Variants in DENND1A observed in about 807,000 individuals in gnomAD.
DENND1A encodes the protein DENN domain-containing protein 1A.
In DENND1A, 51 loss-of-function variants were observed where a neutral mutation model predicts 113.7. The observed-to-expected ratio is 0.45, with a 90% confidence interval of 0.36 to 0.57. The LOEUF (loss-of-function observed/expected upper bound fraction) is 0.57, where lower values mean the gene tolerates loss of function less well. Among genes scored for constraint, DENND1A ranks in the 20% least tolerant of loss-of-function variants. The probability of loss-of-function intolerance (pLI) is 0.00; values close to 1 mark genes in which losing one functional copy is unlikely to be tolerated. For synonymous variants in DENND1A, 565 were observed against 570.8 expected, an observed-to-expected ratio of 0.99 and a Z score of 0.14; for missense variants, 1,258 against 1,395.9, an observed-to-expected ratio of 0.90 and a Z score of 1.57.
chr9:123,608,184 G>A (rs1239408008), intron 11 of DENND1A, among the ~76,000 whole-genome samples: 1 of 152,096 alleles, frequency 6.6e-6, no homozygotes, highest in South Asian at 2.1e-4. Context: ...CCACATGGCC[G>A]GCCTGTCAAA....
At chr9:123,440,286 G>C in intron 19 of DENND1A, 74 bp downstream of exon 19, 2 of 1,481,424 alleles carry the variant, frequency 1.4e-6, no homozygotes, top group Non-Finnish European at 1.8e-6. Flanking sequence ...ACCGTCTGCT[G>C]CATGTGCTAC....
At chr9:123,406,194 G>A (rs888710032) in intron 20 of DENND1A, among the ~76,000 whole-genome samples, 4 of 152,350 alleles carry the variant, frequency 2.6e-5, no homozygotes, top group African/African-American at 7.2e-5. Context: ...GTCTGCGCAC[G>A]TCTGATCTAA....
chr9:123,641,436 CAAAAAAAAAA>C (rs34664320), intron 9 of DENND1A, among the ~76,000 whole-genome samples: 1 of 113,450 alleles, frequency 8.8e-6, no homozygotes, highest in Non-Finnish European at 1.9e-5. Context: ...AATGAAATGG[CAAAAAAAAAA>C]AAAAAAAAAG....
chr9:123,911,753 C>T (rs1017582720), intron 1 of DENND1A, among the ~76,000 whole-genome samples: 5 of 150,768 alleles, frequency 3.3e-5, no homozygotes, highest in Admixed American at 6.6e-5. Context: ...TGCAGTGGTG[C>T]GATCTTGGCT....
intron 2 of DENND1A, among the ~76,000 whole-genome samples, chr9:123,839,596 G>A (rs993136591): frequency 2.0e-5 from 3 of 152,200 alleles, no homozygotes; most frequent in East Asian, 1.9e-4. Context: ...GACACAACAC[G>A]ACACTTTATT....
Position 123,915,536 on chromosome 9 carries a change from TTTAAG to T in DENND1A, c.17+14348_17+14352del, listed in dbSNP as rs1345810122. 2.2e-4 allele frequency among the ~76,000 whole-genome samples: 33 copies of T among 152,016 alleles called. 1 individual carries two copies. Among genetic ancestry groups the T allele is most frequent in the Admixed American group, 2.0e-3 (31 of 15,250 alleles). On this transcript the variant is annotated intron_variant, in intron 1 of 23. Coordinates refer to ENST00000394215, the MANE Select transcript of DENND1A (RefSeq NM_001352964.2). ...GAGGGTTAATGGAACAATAAAGAGG[TTTAAG>T]TTAATAACCATTATAAAAATTAAAG...
At position 123,799,345 on chromosome 9, in the gene DENND1A, C is replaced by T. The variant is rs568961266; in HGVS notation, c.89-6715G>A. On this transcript the variant is annotated intron_variant, in intron 2 of 23. Coordinates refer to ENST00000394215, the MANE Select transcript of DENND1A (RefSeq NM_001352964.2). ...TGTCCAAAGTTAGAAAATTAGTAGT[C>T]ACTCGTGGAACAAATGCTCTGCTGT... is the stretch of plus-strand genomic sequence containing the variant. Among the ~76,000 whole-genome samples, 3 of 152,280 alleles carry T rather than the reference C, an allele frequency of 2.0e-5. No individual in the cohort carries two copies. In the South Asian group the frequency reaches 6.2e-4, roughly 32 times the overall value.
chr9:123,509,460 C>A, intron 13 of DENND1A, among the ~76,000 whole-genome samples: 1 of 152,318 alleles, frequency 6.6e-6, no homozygotes, highest in South Asian at 2.1e-4. Flanking sequence ...TTAGGGGTCA[C>A]GTAGCATAGC....
At chr9:123,877,808 G>A (rs1385227693) in intron 2 of DENND1A, among the ~76,000 whole-genome samples, 1 of 152,114 alleles carries the variant, frequency 6.6e-6, no homozygotes, top group Non-Finnish European at 1.5e-5. Context: ...GGTGACAAGA[G>A]AGCAATTCCA....
intron 13 of DENND1A, among the ~76,000 whole-genome samples, chr9:123,496,084 A>G (rs900309303): frequency 1.3e-5 from 2 of 152,262 alleles, no homozygotes; most frequent in African/African-American, 2.4e-5. Flanking sequence ...AGAATCTGAC[A>G]GCCAATTAAT....
intron 8 of DENND1A, among the ~76,000 whole-genome samples, chr9:123,652,477 T>A (rs545603057): frequency 6.6e-6 from 1 of 152,126 alleles, no homozygotes; most frequent in Admixed American, 6.5e-5. Flanking sequence ...GATGGAACAG[T>A]CTAATAAGCA....
At chr9:123,740,416 T>C (rs917842085) in intron 5 of DENND1A, among the ~76,000 whole-genome samples, 11 of 152,196 alleles carry the variant, frequency 7.2e-5, no homozygotes, top group African/African-American at 2.7e-4. Context: ...ATTATAAATC[T>C]CCCATTTAGA....
intron 2 of DENND1A, among the ~76,000 whole-genome samples, chr9:123,809,182 T>A (rs1218826588): frequency 2.0e-5 from 3 of 152,236 alleles, no homozygotes; most frequent in African/African-American, 7.2e-5. Context: ...GCCCCCTGCA[T>A]GTTCCTCCGA....
intron 21 of DENND1A, among the ~76,000 whole-genome samples, chr9:123,388,950 T>G (rs374375157): frequency 6.6e-6 from 1 of 152,190 alleles, no homozygotes; most frequent in South Asian, 2.1e-4. Context: ...GAGTGAAGTC[T>G]GGGGAGAATG....
chr9:123,382,196 C>T lies in DENND1A; in HGVS notation c.2449G>A (p.Val817Ile), dbSNP rs141317172. ...AALSPGLLPGVVPQGPTELLQ... is the reference protein window; with the variant it reads ...AALSPGLLPGIVPQGPTELLQ... ...AGTTCAGTGGGGCCTTGGGGGACAACACCAGGCAGGAGCCCTGGACTCAGG... is the reference window on the plus strand; with the variant it reads ...AGTTCAGTGGGGCCTTGGGGGACAATACCAGGCAGGAGCCCTGGACTCAGG... The change falls in exon 24 of 24, where the codon GTT becomes ATT. Residue 817 changes from valine to isoleucine, a missense_variant. Val to Ile is a conservative substitution (Grantham distance 29). Transcript: ENST00000394215. 5.0e-6 allele frequency: 8 copies of T among 1,609,582 alleles called. No homozygotes were observed. The African/African-American group carries it at 6.7e-5, about 13-fold the overall frequency.
intron 19 of DENND1A, among the ~76,000 whole-genome samples, chr9:123,433,885 A>AG (rs778935840): frequency 6.6e-6 from 1 of 152,196 alleles, no homozygotes. Context: ...GCACAGGAGA[A>AG]GGGGGGTCCC....
At chr9:123,856,116 T>G (rs556204521) in intron 2 of DENND1A, among the ~76,000 whole-genome samples, 13 of 152,280 alleles carry the variant, frequency 8.5e-5, no homozygotes, top group African/African-American at 3.1e-4. Flanking sequence ...TGGCAATGAA[T>G]TGGATAACAA....
At chr9:123,898,647 T>C (rs1851139632) in intron 1 of DENND1A, among the ~76,000 whole-genome samples, 2 of 152,186 alleles carry the variant, frequency 1.3e-5, no homozygotes. Flanking sequence ...AAGGTGGAAA[T>C]GGAAATAGAA....
intron 14 of DENND1A, 35 bp downstream of exon 14, chr9:123,457,758 G>T (rs1697427429): frequency 1.9e-6 from 3 of 1,568,942 alleles, no homozygotes; most frequent in African/African-American, 2.7e-5. Context: ...CCCCGCCAGG[G>T]AGCCAGACCC....
Sources: allele counts gnomAD v4.1 joint callset (sites outside exome capture counted in the v4.1 genomes callset), GRCh38; gene constraint gnomAD v4.1.1; transcripts MANE v1.5; gene names NCBI Gene and HGNC (gene_info 2026-07-23, HGNC 2026-07-21).